Variants in HMGB1 observed in about 807,000 individuals in gnomAD.
The protein encoded by HMGB1 is high mobility group box 1.
For missense variants in HMGB1, 79 were observed against 253.5 expected, an observed-to-expected ratio of 0.31 and a Z score of 4.67; for synonymous variants, 81 against 84.0, an observed-to-expected ratio of 0.96 and a Z score of 0.19.
chr13:30,502,370 A>T (rs1361885285), intron 1 of HMGB1, among the ~76,000 whole-genome samples: 3 of 152,218 alleles, frequency 2.0e-5, no homozygotes, highest in African/African-American at 7.2e-5. Context: ...ACAGAAGTGC[A>T]CAGATAAAAA....
chr13:30,492,963 C>T (rs535315005), intron 1 of HMGB1, among the ~76,000 whole-genome samples: 12 of 145,390 alleles, frequency 8.3e-5, no homozygotes, highest in Non-Finnish European at 1.6e-4. Flanking sequence ...TGCACTCCAG[C>T]CTGGCCAGGT....
At chr13:30,572,430 G>A (rs1449325173) in intron 1 of HMGB1, among the ~76,000 whole-genome samples, 1 of 152,154 alleles carries the variant, frequency 6.6e-6, no homozygotes, top group Non-Finnish European at 1.5e-5. Flanking sequence ...CAAAAATTAA[G>A]TAAAATATCT....
intron 1 of HMGB1, among the ~76,000 whole-genome samples, chr13:30,547,002 AC>A (rs966520631): frequency 4.6e-4 from 70 of 151,882 alleles, no homozygotes; most frequent in African/African-American, 1.6e-3. Context: ...TCCCTATCCT[AC>A]TCCTTCAGCA....
At chr13:30,479,133 C>T (rs1887169140) in intron 1 of HMGB1, among the ~76,000 whole-genome samples, 1 of 152,186 alleles carries the variant, frequency 6.6e-6, no homozygotes, top group African/African-American at 2.4e-5. Context: ...GATAAATATG[C>T]ACATTTATCA....
chr13:30,522,112 T>TTTA (rs1275095735), intron 1 of HMGB1, among the ~76,000 whole-genome samples: 1 of 146,806 alleles, frequency 6.8e-6, no homozygotes, highest in Non-Finnish European at 1.5e-5. Flanking sequence ...TATGATACTT[T>TTTA]TTTTTTTTTT....
intron 1 of HMGB1, among the ~76,000 whole-genome samples, chr13:30,531,509 C>CGCGTGT (rs974718479): frequency 1.5e-5 from 2 of 135,590 alleles, no homozygotes; most frequent in African/African-American, 5.6e-5. Context: ...GTAACATATA[C>CGCGTGT]GTGTGTGTGT....
At chr13:30,469,121 C>T (rs576620626), upstream of HMGB1, among the ~76,000 whole-genome samples, 1 of 152,156 alleles carries the variant, frequency 6.6e-6, no homozygotes, top group Non-Finnish European at 1.5e-5. Context: ...GAACTCCTGA[C>T]CTCAAGTGAT....
intron 1 of HMGB1, among the ~76,000 whole-genome samples, chr13:30,588,420 T>C (rs1277433059): frequency 1.3e-5 from 2 of 152,026 alleles, no homozygotes; most frequent in African/African-American, 2.4e-5. Flanking sequence ...TGATCGGGGA[T>C]ACAATATATG....
chr13:30,457,097 C>T lies in HMGB1; in HGVS notation c.*4260G>A, dbSNP rs915391249. The T allele has an allele frequency of 6.6e-6, 1 of 152,160 alleles. No homozygotes were observed. Among genetic ancestry groups the T allele is most frequent in the Non-Finnish European group, 1.5e-5 (1 of 68,032 alleles). 9.4% of individuals were successfully genotyped at this position (152,160 alleles called of 1,614,324 possible). On this transcript the variant is annotated 3_prime_UTR_variant, in exon 5 of 5. Coordinates refer to ENST00000341423, the MANE Select transcript of HMGB1 (RefSeq NM_002128.7). ...ACAATGAATATGAGTACATAATTTA[C>T]AAGGATCTCTCTAATCCCTTTTCCA...
intron 3 of HMGB1, 60 bp downstream of exon 3, chr13:30,463,147 A>G (rs1886466386): frequency 2.0e-6 from 3 of 1,525,544 alleles, no homozygotes; most frequent in African/African-American, 2.8e-5. Flanking sequence ...AGCTTGCTAA[A>G]TTTCTCTCAG....
chr13:30,582,284 T>C (rs960211999), intron 1 of HMGB1, among the ~76,000 whole-genome samples: 22 of 152,210 alleles, frequency 1.4e-4, no homozygotes, highest in Non-Finnish European at 2.8e-4. Flanking sequence ...AAACACATTA[T>C]TTAAAAATAC....
At chr13:30,586,479 G>GTTTTTTTTTT (rs11315470) in intron 1 of HMGB1, among the ~76,000 whole-genome samples, 4 of 105,092 alleles carry the variant, frequency 3.8e-5, no homozygotes, top group African/African-American at 6.2e-5. Context: ...GGTTTTTTTT[G>GTTTTTTTTTT]TTTTTTTTTT....
In HMGB1 at chr13:30,517,636, G is replaced by A. The variant is rs190829248; in HGVS notation, c.-14-53942C>T. Among the ~76,000 whole-genome samples, 21 of 152,244 alleles carry A rather than the reference G, an allele frequency of 1.4e-4. No homozygotes were observed. The East Asian group carries it at 2.9e-3, about 21-fold the overall frequency. ...ACTCCTGACCTCAAATGATCCGCCC[G>A]CCTTGGCCTCTCAAAGTATTGGGAT... On this transcript the variant is annotated intron_variant, in intron 1 of 4. Transcript: ENST00000405805.
chr13:30,590,253 T>A (rs970411437), intron 1 of HMGB1, among the ~76,000 whole-genome samples: 2 of 152,214 alleles, frequency 1.3e-5, no homozygotes, highest in Non-Finnish European at 2.9e-5. Flanking sequence ...GAGGCTGAAT[T>A]TTAAATTTAA....
chr13:30,548,025 T>G (rs2137509473), intron 1 of HMGB1, among the ~76,000 whole-genome samples: 2 of 152,324 alleles, frequency 1.3e-5, no homozygotes, highest in Admixed American at 1.3e-4. Flanking sequence ...TCTAATGGTG[T>G]TTTTCTAAGA....
chr13:30,474,493 G>A (rs1438889045), intron 1 of HMGB1, among the ~76,000 whole-genome samples: 6 of 152,168 alleles, frequency 3.9e-5, no homozygotes, highest in Admixed American at 3.9e-4. Flanking sequence ...GGAGAGCCGG[G>A]GGTGACCGTA....
intron 1 of HMGB1, among the ~76,000 whole-genome samples, chr13:30,551,897 C>G (rs1305623282): frequency 1.3e-5 from 2 of 152,082 alleles, no homozygotes; most frequent in African/African-American, 4.8e-5. Context: ...TCTGTAGAGA[C>G]GGGGTCTTGC....
At chr13:30,507,682 G>A (rs552300099) in intron 1 of HMGB1, among the ~76,000 whole-genome samples, 1 of 152,096 alleles carries the variant, frequency 6.6e-6, no homozygotes, top group Non-Finnish European at 1.5e-5. Context: ...CTGAGATTTG[G>A]TTACCTACAC....
At chr13:30,612,785 A>G (rs1479056939) in intron 1 of HMGB1, among the ~76,000 whole-genome samples, 1 of 152,204 alleles carries the variant, frequency 6.6e-6, no homozygotes, top group East Asian at 1.9e-4. Flanking sequence ...CCTGATTGCT[A>G]ATCAACATGT....
Sources: allele counts gnomAD v4.1 joint callset (sites outside exome capture counted in the v4.1 genomes callset), GRCh38; gene constraint gnomAD v4.1.1; transcripts MANE v1.5; gene names NCBI Gene and HGNC (gene_info 2026-07-23, HGNC 2026-07-21).